The following NUAK1 variants were observed in gnomAD, a reference collection of about 807,000 sequenced individuals.
The protein encoded by NUAK1 is NUAK family SNF1-like kinase 1.
A neutral mutation model predicts 56.9 loss-of-function variants in NUAK1; 26 were observed. That is an observed-to-expected ratio of 0.46 (90% CI 0.33 to 0.63). The LOEUF (loss-of-function observed/expected upper bound fraction) is 0.63, where lower values mean the gene tolerates loss of function less well. Ranked by LOEUF, NUAK1 falls within the 30% of genes least tolerant of loss-of-function variation. The pLI, the probability that NUAK1 is intolerant of heterozygous loss-of-function variation, is 0.02. For missense variants in NUAK1, 727 were observed against 876.1 expected, an observed-to-expected ratio of 0.83 and a Z score of 2.15; for synonymous variants, 337 against 336.0, an observed-to-expected ratio of 1.00 and a Z score of -0.03.
At chr12:106,091,829 A>T (rs923204841) in intron 2 of NUAK1, among the ~76,000 whole-genome samples, 1 of 152,198 alleles carries the variant, frequency 6.6e-6, no homozygotes, top group Admixed American at 6.5e-5. Flanking sequence ...CAGTTACTAC[A>T]TGTCATGGAT....
chr12:106,117,686 T>G (rs2032931553), intron 1 of NUAK1, among the ~76,000 whole-genome samples: 1 of 152,260 alleles, frequency 6.6e-6, no homozygotes, highest in South Asian at 2.1e-4. Context: ...AAGGATAACA[T>G]TGACCTACTT....
intron 2 of NUAK1, among the ~76,000 whole-genome samples, chr12:106,098,524 T>C (rs369261259): frequency 6.6e-6 from 1 of 152,174 alleles, no homozygotes. Flanking sequence ...TTATCTAAAA[T>C]AGGAGAAGTG....
chr12:106,116,934 C>A (rs760424743), intron 1 of NUAK1, among the ~76,000 whole-genome samples: 2 of 152,176 alleles, frequency 1.3e-5, no homozygotes, highest in East Asian at 1.9e-4. Context: ...GAGAATGAGT[C>A]GATTCCACAG....
Position 106,066,392 on chromosome 12 carries a change from G to C in NUAK1, c.*410C>G. On this transcript the variant is annotated 3_prime_UTR_variant, in exon 7 of 7. Transcript: ENST00000261402. ...CTAGCTTGCTAATACAAGGAGAAAA[G>C]GGGCAAGTTCTTTGGGCTCACCCAA... is the stretch of plus-strand genomic sequence containing the variant. 1 of 175,914 alleles carries C rather than the reference G, an allele frequency of 5.7e-6. No homozygotes were observed. Among genetic ancestry groups the C allele is most frequent in the Non-Finnish European group, 1.2e-5 (1 of 81,738 alleles). The allele number at this position is 175,914 out of a possible 1,614,324, so 10.9% of individuals were successfully genotyped here. A position where few individuals can be genotyped will look rare whatever the true frequency, so the allele number is the denominator to read the frequency against.
intron 2 of NUAK1, among the ~76,000 whole-genome samples, chr12:106,093,383 A>G (rs1014131736): frequency 6.6e-6 from 1 of 152,178 alleles, no homozygotes; most frequent in Non-Finnish European, 1.5e-5. Context: ...ATTGGTTGCT[A>G]TAGCAACAGC....
At chr12:106,103,786 C>T (rs143210956) in intron 2 of NUAK1, among the ~76,000 whole-genome samples, 4 of 152,264 alleles carry the variant, frequency 2.6e-5, no homozygotes, top group East Asian at 1.9e-4. Context: ...ATGCTGTTCT[C>T]GTGATAGTGA....
chr12:106,120,206 CA>C (rs2136479045), intron 1 of NUAK1, among the ~76,000 whole-genome samples: 1 of 152,278 alleles, frequency 6.6e-6, no homozygotes, highest in East Asian at 1.9e-4. Flanking sequence ...GCAGTCTCTA[CA>C]GACCATGGCC....
chr12:106,071,142 G>C (rs939466405), intron 5 of NUAK1, among the ~76,000 whole-genome samples: 1 of 152,208 alleles, frequency 6.6e-6, no homozygotes, highest in Non-Finnish European at 1.5e-5. Context: ...AACTAGTAAA[G>C]AACTTTCTTA....
intron 1 of NUAK1, among the ~76,000 whole-genome samples, chr12:106,126,208 G>C (rs2033023223): frequency 6.6e-6 from 1 of 152,208 alleles, no homozygotes; most frequent in Admixed American, 6.5e-5. Context: ...CAAATGTCAG[G>C]GTTAGATGCA....
At chr12:106,127,592 G>T (rs58344729) in intron 1 of NUAK1, among the ~76,000 whole-genome samples, 11,941 of 152,190 alleles carry the variant, frequency 0.078, 1,554 homozygotes, top group African/African-American at 0.27. Flanking sequence ...AGCAGGGAAG[G>T]CGAGCAGACC....
At position 106,072,828 on chromosome 12, in the gene NUAK1, G is replaced by A. The variant is rs1217424346; in HGVS notation, c.595C>T (p.Leu199Phe). The A allele has an allele frequency of 6.2e-7, 1 of 1,614,032 alleles. No individual in the cohort carries two copies. ...NCNIKIADFG[L>F]SNLYQKDKFL... is the part of the protein sequence containing the mutation. ...TTATCCTTCTGGTACAGGTTGGAAA[G>A]CCCAAAGTCAGCAATCTACAAAGAG... Residue 199 changes from leucine to phenylalanine, a missense_variant, in exon 5 of 7, where the codon CTT (leucine) becomes TTT (phenylalanine). Coordinates refer to ENST00000261402, the MANE Select transcript of NUAK1 (RefSeq NM_014840.3).
intron 4 of NUAK1, among the ~76,000 whole-genome samples, chr12:106,083,166 C>T (rs532815045): frequency 6.6e-6 from 1 of 152,286 alleles, no homozygotes; most frequent in East Asian, 1.9e-4. Flanking sequence ...CAACAGCAAG[C>T]ACCATCCCCA....
At chr12:106,125,303 C>T (rs944160744) in intron 1 of NUAK1, among the ~76,000 whole-genome samples, 4 of 152,170 alleles carry the variant, frequency 2.6e-5, no homozygotes, top group African/African-American at 9.7e-5. Context: ...AGACATAGAA[C>T]GACTGGGATC....
chr12:106,068,005 C>A, intron 6 of NUAK1, 50 bp from the exon 7 acceptor site: 1 of 1,542,056 alleles, frequency 6.5e-7, no homozygotes, highest in Non-Finnish European at 8.8e-7. Context: ...GAGCTTCTGG[C>A]TTTGTGATAG....
chr12:106,087,213 T>C (rs2032581641), intron 2 of NUAK1, among the ~76,000 whole-genome samples: 1 of 152,216 alleles, frequency 6.6e-6, no homozygotes, highest in Admixed American at 6.5e-5. Context: ...GACAGGATGA[T>C]GGGTAACAAC....
chr12:106,086,802 G>A lies in NUAK1; in HGVS notation c.445C>T (p.Arg149Cys), dbSNP rs779923959. The change falls in exon 3 of 7, where the codon CGC becomes TGC. Residue 149 changes from arginine to cysteine, a missense_variant. Transcript: ENST00000261402. Reference sequence around the variant, plus strand: ...TGCCGGGTCTCCCTCTCACTGAGGCGTCGCCGCTCACTGATGTAATCGTAC... The same window carrying A: ...TGCCGGGTCTCCCTCTCACTGAGGCATCGCCGCTCACTGATGTAATCGTAC... ...ELYDYISERR[R>C]LSERETRHFF... 2.4e-5 allele frequency: 38 copies of A among 1,613,988 alleles called. No individual in the cohort carries two copies. The highest frequency in any genetic ancestry group is 2.2e-5 in the East Asian group (1 of 44,892).
At chr12:106,100,670 T>G (rs2032738526) in intron 2 of NUAK1, among the ~76,000 whole-genome samples, 1 of 152,254 alleles carries the variant, frequency 6.6e-6, no homozygotes, top group Non-Finnish European at 1.5e-5. Flanking sequence ...TTTTTGTTAA[T>G]GAATAAATCG....
intron 1 of NUAK1, among the ~76,000 whole-genome samples, chr12:106,128,127 TCTTTTTC>T (rs2033041613): frequency 1.4e-5 from 2 of 143,320 alleles, no homozygotes; most frequent in African/African-American, 5.7e-5. Context: ...TTCTCTCTTT[TCTTTTTC>T]TTTTTTTTTT....
At chr12:106,096,471 G>A (rs2032698202) in intron 2 of NUAK1, among the ~76,000 whole-genome samples, 1 of 152,208 alleles carries the variant, frequency 6.6e-6, no homozygotes, top group Non-Finnish European at 1.5e-5. Context: ...CTGGTGCTGT[G>A]TTACGAATAA....
Sources: gnomAD v4.1 joint callset for allele counts (sites outside exome capture counted in the v4.1 genomes callset) on GRCh38, gnomAD v4.1.1 for gene constraint, MANE v1.5 for transcripts, NCBI Gene and HGNC (gene_info 2026-07-23, HGNC 2026-07-21) for gene names.